The following RASEF variants were observed in gnomAD, a reference collection of about 807,000 sequenced individuals.
RASEF encodes RAS and EF-hand domain containing.
RASEF carries 68 observed loss-of-function variants against 90.1 expected under a neutral mutation model. The ratio of observed to expected loss-of-function variants is 0.75; its 90% CI spans 0.62 to 0.92. The LOEUF (loss-of-function observed/expected upper bound fraction) is 0.92, where lower values mean the gene tolerates loss of function less well. RASEF is among the 40% of genes least tolerant of loss of function. RASEF has a pLI of 0.00. For synonymous variants in RASEF, 331 were observed against 345.2 expected (o/e 0.96, Z 0.46); for missense variants, 949 against 937.2 (o/e 1.01, Z -0.16).
At chr9:83,135,780 C>G in the RASEF span, among the ~76,000 whole-genome samples, 2 of 152,118 alleles carry the variant, frequency 1.3e-5, no homozygotes, top group Non-Finnish European at 2.9e-5. Context: ...CTGCTTTGTG[C>G]TTCACAAGTA....
At chr9:83,191,484 T>C in the RASEF span, among the ~76,000 whole-genome samples, 1 of 152,196 alleles carries the variant, frequency 6.6e-6, no homozygotes, top group Non-Finnish European at 1.5e-5. Flanking sequence ...AGAAAGCCAC[T>C]GGATGGATTC....
the RASEF span, among the ~76,000 whole-genome samples, chr9:83,171,105 T>C: frequency 7.0e-3 from 1,071 of 151,932 alleles, 18 homozygotes; most frequent in African/African-American, 0.025. Context: ...CTTCCATACC[T>C]AGTTTTTATC....
At chr9:83,007,871 T>C (rs10746694) in intron 6 of RASEF, among the ~76,000 whole-genome samples, 79,408 of 151,982 alleles carry the variant, frequency 0.52, 20,982 homozygotes, top group East Asian at 0.73. Context: ...CTTCTAAGGG[T>C]GTCTCAGAAA....
At chr9:83,070,891 G>A in the RASEF span, among the ~76,000 whole-genome samples, 797 of 152,202 alleles carry the variant, frequency 5.2e-3, 9 homozygotes, top group African/African-American at 0.018. Context: ...TATTGTAGAA[G>A]ACATAACACT....
rs138717500 is a variant in RASEF, at chr9:82,990,148, C to T, written c.2117+243G>A. ...ACGTCAACTATTAGCTTTGTGGTGACATTTTTCAGAAATGTCAATGACACC... is the reference window on the plus strand; with the variant it reads ...ACGTCAACTATTAGCTTTGTGGTGATATTTTTCAGAAATGTCAATGACACC... On this transcript the variant is annotated intron_variant, in intron 16 of 16. Coordinates refer to ENST00000376447, the MANE Select transcript of RASEF (RefSeq NM_152573.4). Among the ~76,000 whole-genome samples, 272 of 152,282 alleles carry T rather than the reference C, an allele frequency of 1.8e-3. 2 individuals carry two copies. The highest frequency in any genetic ancestry group is 6.2e-3 in the African/African-American group (257 of 41,566).
At chr9:83,045,686 G>A (rs371059762) in intron 1 of RASEF, among the ~76,000 whole-genome samples, 1 of 152,210 alleles carries the variant, frequency 6.6e-6, no homozygotes, top group Non-Finnish European at 1.5e-5. Flanking sequence ...CTGGACTCAA[G>A]ATGTTTTTTT....
the RASEF span, among the ~76,000 whole-genome samples, chr9:83,086,707 G>C: frequency 6.6e-6 from 1 of 152,126 alleles, no homozygotes; most frequent in Non-Finnish European, 1.5e-5. Context: ...CTGTTGGCTG[G>C]AGAACTCAGT....
At position 83,062,906 on chromosome 9, in the gene RASEF, C is replaced by T. The variant is rs1830243212; in HGVS notation, c.-39G>A. 4.3e-6 allele frequency: 6 copies of T among 1,404,352 alleles called. No individual in the cohort carries two copies. The highest frequency in any genetic ancestry group is 5.2e-4 in the Middle Eastern group (2 of 3,876). 87.0% of individuals were successfully genotyped at this position (1,404,352 alleles called of 1,614,324 possible). Reference sequence around the variant, plus strand: ...GGCGGCCGAGAGGGCTCCGGAGCGCCGCGGGGCGCAGGGCCCTCCCTGGAA... The same window carrying T: ...GGCGGCCGAGAGGGCTCCGGAGCGCTGCGGGGCGCAGGGCCCTCCCTGGAA... On this transcript the variant is annotated 5_prime_UTR_variant, in exon 1 of 17. Coordinates refer to ENST00000376447, the MANE Select transcript of RASEF (RefSeq NM_152573.4).
chr9:83,090,588 G>T, the RASEF span, among the ~76,000 whole-genome samples: 1 of 152,056 alleles, frequency 6.6e-6, no homozygotes, highest in Non-Finnish European at 1.5e-5. Flanking sequence ...ATTTTTAGTA[G>T]AGATGGGGTT....
the RASEF span, among the ~76,000 whole-genome samples, chr9:83,109,488 G>A: frequency 9.9e-5 from 15 of 152,234 alleles, no homozygotes; most frequent in East Asian, 1.2e-3. Flanking sequence ...GAAAGCACTC[G>A]CAGACGTCAT....
At chr9:83,063,756 A>T (rs1462530868), upstream of RASEF, among the ~76,000 whole-genome samples, 1 of 148,984 alleles carries the variant, frequency 6.7e-6, no homozygotes, top group East Asian at 2.2e-4. Flanking sequence ...TTACTTAAAC[A>T]AACTTTATGG....
At chr9:83,026,488 A>G (rs1437836820) in intron 1 of RASEF, among the ~76,000 whole-genome samples, 1 of 152,164 alleles carries the variant, frequency 6.6e-6, no homozygotes, top group African/African-American at 2.4e-5. Context: ...GAGAGAGAAG[A>G]GTGAGGAGTG....
chr9:83,018,363 T>C (rs1472949756), intron 3 of RASEF, among the ~76,000 whole-genome samples: 1 of 152,180 alleles, frequency 6.6e-6, no homozygotes, highest in Admixed American at 6.5e-5. Flanking sequence ...TTAGAAATAC[T>C]ATTTACAGTA....
chr9:83,034,230 G>C (rs1447627337), intron 1 of RASEF, among the ~76,000 whole-genome samples: 1 of 152,154 alleles, frequency 6.6e-6, no homozygotes, highest in Admixed American at 6.5e-5. Context: ...CTCCAATCTA[G>C]AGAAAACAAA....
At chr9:83,174,877 C>T in the RASEF span, among the ~76,000 whole-genome samples, 236 of 152,048 alleles carry the variant, frequency 1.6e-3, 1 homozygote, top group Non-Finnish European at 2.5e-3. Flanking sequence ...TATTTAGATG[C>T]TTTTAAAAAT....
At chr9:83,155,724 G>A in the RASEF span, among the ~76,000 whole-genome samples, 1 of 152,194 alleles carries the variant, frequency 6.6e-6, no homozygotes, top group South Asian at 2.1e-4. Context: ...TTTAGAGCTT[G>A]AATGGGTTGA....
intron 16 of RASEF, among the ~76,000 whole-genome samples, chr9:82,987,534 G>A (rs891690752): frequency 5.3e-5 from 8 of 152,150 alleles, no homozygotes; most frequent in East Asian, 3.9e-4. Flanking sequence ...GGGCCAACAC[G>A]TGGCTGACCC....
chr9:83,112,209 T>C, the RASEF span, among the ~76,000 whole-genome samples: 2 of 152,242 alleles, frequency 1.3e-5, no homozygotes, highest in South Asian at 4.1e-4. Context: ...GAAGTAAATG[T>C]TTTACTACTT....
the RASEF span, among the ~76,000 whole-genome samples, chr9:83,159,948 C>T: frequency 6.6e-6 from 1 of 152,234 alleles, no homozygotes; most frequent in African/African-American, 2.4e-5. Context: ...TTTCCCTGCA[C>T]AAGCTCTCTT....
Sources: allele counts gnomAD v4.1 joint callset (sites outside exome capture counted in the v4.1 genomes callset), GRCh38; gene constraint gnomAD v4.1.1; transcripts MANE v1.5; gene names NCBI Gene and HGNC (gene_info 2026-07-23, HGNC 2026-07-21).